Variants in ZBTB7C observed in about 807,000 individuals in gnomAD.
ZBTB7C encodes the protein zinc finger and BTB domain containing 7C.
ZBTB7C carries 8 observed loss-of-function variants against 25.7 expected under a neutral mutation model. The observed-to-expected ratio is 0.31, with a 90% CI of 0.18 to 0.56. The LOEUF (loss-of-function observed/expected upper bound fraction) is 0.56. Ranked by LOEUF, ZBTB7C falls within the 20% of genes least tolerant of loss-of-function variation. The probability of loss-of-function intolerance (pLI) is 0.91; values close to 1 mark genes in which losing one functional copy is unlikely to be tolerated. For missense variants in ZBTB7C, 824 were observed against 855.2 expected (o/e 0.96, Z 0.46); for synonymous variants, 394 against 369.0 (o/e 1.07, Z -0.78).
chr18:48,121,580 T>C (rs1598917470), intron 3 of ZBTB7C, among the ~76,000 whole-genome samples: 1 of 152,246 alleles, frequency 6.6e-6, no homozygotes, highest in South Asian at 2.1e-4. Flanking sequence ...TAACAGTGGC[T>C]CTATGAGGGT....
intron 1 of ZBTB7C, among the ~76,000 whole-genome samples, chr18:48,403,636 G>A: frequency 6.6e-6 from 1 of 152,160 alleles, no homozygotes; most frequent in East Asian, 1.9e-4. Context: ...CTGTTCTCAG[G>A]GAGCTTACAC....
chr18:48,367,771 A>T (rs769327741), intron 1 of ZBTB7C, among the ~76,000 whole-genome samples: 20 of 152,106 alleles, frequency 1.3e-4, no homozygotes, highest in Admixed American at 5.2e-4. Flanking sequence ...TAGAGTCAGG[A>T]TGTTTGCTAA....
At chr18:48,348,702 C>T (rs916094507) in intron 1 of ZBTB7C, among the ~76,000 whole-genome samples, 9 of 152,190 alleles carry the variant, frequency 5.9e-5, no homozygotes, top group East Asian at 1.9e-4. Flanking sequence ...CTATAATCCC[C>T]GCTACTCGGG....
intron 3 of ZBTB7C, among the ~76,000 whole-genome samples, chr18:48,106,417 G>A (rs1217124946): frequency 2.6e-5 from 4 of 151,198 alleles, no homozygotes; most frequent in African/African-American, 9.8e-5. Context: ...AGGGGCAGCT[G>A]TAAAGCAAAA....
Position 48,214,018 on chromosome 18 carries a change from G to A in ZBTB7C, c.-78-28023C>T, listed in dbSNP as rs537089820. 5.9e-5 allele frequency among the ~76,000 whole-genome samples: 9 copies of A among 152,336 alleles called. No homozygotes were observed. In the South Asian group the frequency reaches 8.3e-4, roughly 14 times the overall value. On this transcript the variant is annotated intron_variant, in intron 2 of 4. Transcript: ENST00000590800. ...CTGCCTTGCGGTGAGAGCGGACACC[G>A]TGTGCAGGCACCACTTAGAGGCCAC...
chr18:48,246,373 T>C (rs2043693301), intron 2 of ZBTB7C, among the ~76,000 whole-genome samples: 1 of 151,410 alleles, frequency 6.6e-6, no homozygotes, highest in South Asian at 2.1e-4. Flanking sequence ...GAGCTTGCAG[T>C]GAGCTGAGAT....
At chr18:48,124,152 G>A (rs2039722581) in intron 3 of ZBTB7C, among the ~76,000 whole-genome samples, 1 of 152,224 alleles carries the variant, frequency 6.6e-6, no homozygotes. Flanking sequence ...CAGTTACTTT[G>A]GGGCATGGTG....
chr18:48,155,318 CTTTTTTTTTTTT>C (rs578058729), intron 3 of ZBTB7C, among the ~76,000 whole-genome samples: 1 of 78,006 alleles, frequency 1.3e-5, no homozygotes, highest in Non-Finnish European at 2.3e-5. Context: ...CTGTAATATT[CTTTTTTTTTTTT>C]TTTTTTTTTT....
chr18:48,234,144 A>G (rs1393032162), intron 2 of ZBTB7C, among the ~76,000 whole-genome samples: 5 of 151,882 alleles, frequency 3.3e-5, no homozygotes, highest in Non-Finnish European at 7.4e-5. Flanking sequence ...CTCAAGATCC[A>G]GCAAAAAAAA....
At chr18:48,313,007 G>C (rs372594230) in intron 2 of ZBTB7C, among the ~76,000 whole-genome samples, 8 of 152,306 alleles carry the variant, frequency 5.3e-5, no homozygotes, top group African/African-American at 1.9e-4. Context: ...CAACTCATCT[G>C]ATATTCCCAT....
At chr18:48,356,551 AC>A (rs1238748048) in intron 1 of ZBTB7C, among the ~76,000 whole-genome samples, 2 of 152,090 alleles carry the variant, frequency 1.3e-5, no homozygotes, top group Non-Finnish European at 2.9e-5. Context: ...AGGTCCCCAC[AC>A]CTTTTCACAG....
At chr18:48,398,683 C>A (rs543532085) in intron 1 of ZBTB7C, among the ~76,000 whole-genome samples, 1 of 152,060 alleles carries the variant, frequency 6.6e-6, no homozygotes, top group African/African-American at 2.4e-5. Flanking sequence ...CGCTTCCCCA[C>A]CCCCACAACG....
intron 1 of ZBTB7C, among the ~76,000 whole-genome samples, chr18:48,347,265 C>CACGCTGGT (rs2046760563): frequency 6.8e-6 from 1 of 146,520 alleles, no homozygotes; most frequent in Non-Finnish European, 1.5e-5. Context: ...ACCACCATGC[C>CACGCTGGT]CTCAAGCTCC....
intron 2 of ZBTB7C, among the ~76,000 whole-genome samples, chr18:48,196,783 C>T (rs2042327809): frequency 6.6e-6 from 1 of 152,164 alleles, no homozygotes; most frequent in Non-Finnish European, 1.5e-5. Context: ...AACCGACCAA[C>T]CAACCAATCT....
intron 3 of ZBTB7C, among the ~76,000 whole-genome samples, chr18:48,145,794 C>T (rs1388592473): frequency 2.0e-5 from 3 of 152,168 alleles, no homozygotes; most frequent in African/African-American, 7.2e-5. Context: ...TATTTTTCTA[C>T]CTCTGGATAG....
chr18:48,219,946 G>A (rs146681099), intron 2 of ZBTB7C, among the ~76,000 whole-genome samples: 1 of 152,274 alleles, frequency 6.6e-6, no homozygotes, highest in Non-Finnish European at 1.5e-5. Flanking sequence ...GCCCCCATGT[G>A]TCCTGTTATG....
intron 4 of ZBTB7C, 141 bp from the exon 5 acceptor site, chr18:48,030,052 C>A: frequency 1.9e-6 from 2 of 1,064,374 alleles, no homozygotes; most frequent in South Asian, 1.5e-5. Flanking sequence ...CATGCTAGAT[C>A]TACCCTCAAC....
chr18:48,137,089 C>A, intron 3 of ZBTB7C: 1 of 985,430 alleles, frequency 1.0e-6, no homozygotes, highest in African/African-American at 1.7e-5. Context: ...TCCACGCGGC[C>A]GCGCTGCTCG....
intron 3 of ZBTB7C, among the ~76,000 whole-genome samples, chr18:48,071,978 T>C (rs2037560483): frequency 6.6e-6 from 1 of 152,234 alleles, no homozygotes; most frequent in South Asian, 2.1e-4. Context: ...GGACAGAGTT[T>C]CATTTGGGAT....
Sources: allele counts gnomAD v4.1 joint callset (sites outside exome capture counted in the v4.1 genomes callset), GRCh38; gene constraint gnomAD v4.1.1; transcripts MANE v1.5; gene names NCBI Gene and HGNC (gene_info 2026-07-23, HGNC 2026-07-21).